DMD: variants seen among roughly 807,000 people sequenced by gnomAD.
The protein encoded by DMD is mutant dystrophin.
DMD carries 63 observed loss-of-function variants against 330.1 expected under a neutral mutation model. The observed-to-expected ratio is 0.19, with a 90% CI of 0.16 to 0.24. The LOEUF is 0.24. Ranked by LOEUF, DMD falls within the 10% of genes least tolerant of loss-of-function variation. DMD has a pLI of 1.00. For missense variants in DMD, 3,344 were observed against 2,684.1 expected (o/e 1.25, Z -5.43); for synonymous variants, 1,223 against 959.8 (o/e 1.27, Z -5.07).
chrX:32,454,256 G>C (rs1305568913), intron 26 of DMD, among the ~76,000 whole-genome samples: 1 of 111,207 alleles, frequency 9.0e-6, no homozygotes, highest in Non-Finnish European at 1.9e-5. Flanking sequence ...CAAATTCTCA[G>C]AAATGCCTTC....
intron 43 of DMD, among the ~76,000 whole-genome samples, chrX:32,273,286 CAA>C (rs1220088856): frequency 2.0e-4 from 11 of 54,864 alleles, no homozygotes; most frequent in African/African-American, 3.0e-4. Context: ...TTAAATAAAA[CAA>C]AACAAAACAA....
intron 44 of DMD, among the ~76,000 whole-genome samples, chrX:32,214,548 C>T (rs2097105613): frequency 1.8e-5 from 2 of 111,777 alleles, no homozygotes; most frequent in African/African-American, 6.5e-5. Context: ...ATCACCAGAG[C>T]TCACACGTGG....
chrX:33,278,502 G>A (rs1384181598), intron 1 of DMD, among the ~76,000 whole-genome samples: 2 of 111,688 alleles, frequency 1.8e-5, no homozygotes, highest in Non-Finnish European at 3.8e-5. Flanking sequence ...TTGTTGCAAA[G>A]GATATGATTT....
At chrX:32,309,666 A>G (rs1043990632) in intron 42 of DMD, among the ~76,000 whole-genome samples, 2 of 111,373 alleles carry the variant, frequency 1.8e-5, no homozygotes, top group African/African-American at 6.5e-5. Flanking sequence ...TTGAATATGT[A>G]TACATAAAAA....
At chrX:32,462,946 G>A (rs927786344) in intron 25 of DMD, among the ~76,000 whole-genome samples, 2 of 110,784 alleles carry the variant, frequency 1.8e-5, no homozygotes, top group Admixed American at 9.7e-5. Context: ...GGTGACAGAG[G>A]GAGACCCTGT....
intron 29 of DMD, among the ~76,000 whole-genome samples, chrX:32,431,308 C>A (rs1490938603): frequency 9.0e-6 from 1 of 111,113 alleles, no homozygotes; most frequent in Non-Finnish European, 1.9e-5. Context: ...ATTTACATAG[C>A]CCTGATGATT....
chrX:32,496,441 T>G (rs1289040273), intron 19 of DMD, among the ~76,000 whole-genome samples: 2 of 112,136 alleles, frequency 1.8e-5, no homozygotes, highest in East Asian at 2.8e-4. Flanking sequence ...CACACTGACT[T>G]AAAGTAATAG....
At chrX:31,314,972 C>G (rs1569524571) in intron 62 of DMD, among the ~76,000 whole-genome samples, 2 of 110,902 alleles carry the variant, frequency 1.8e-5, no homozygotes, top group Non-Finnish European at 3.8e-5. Flanking sequence ...GAAATTATCC[C>G]AAAGAAGAGA....
At chrX:32,237,861 G>C (rs1445591527) in intron 43 of DMD, among the ~76,000 whole-genome samples, 1 of 111,725 alleles carries the variant, frequency 9.0e-6, no homozygotes, top group Non-Finnish European at 1.9e-5. Flanking sequence ...TGGATATGTT[G>C]CAAAGATACA....
At chrX:32,402,722 T>C (rs2147814194) in intron 30 of DMD, among the ~76,000 whole-genome samples, 1 of 111,820 alleles carries the variant, frequency 8.9e-6, no homozygotes, top group East Asian at 2.8e-4. Flanking sequence ...TTTATACTAT[T>C]CAAAGTATTT....
chrX:33,097,013 T>G (rs895913731), intron 1 of DMD, among the ~76,000 whole-genome samples: 1 of 111,711 alleles, frequency 9.0e-6, no homozygotes, highest in Non-Finnish European at 1.9e-5. Context: ...GAATCAAAAT[T>G]ATAAGAAATT....
chrX:33,011,443 A>G (rs2093699765), intron 2 of DMD, among the ~76,000 whole-genome samples: 1 of 112,164 alleles, frequency 8.9e-6, no homozygotes, highest in African/African-American at 3.2e-5. Flanking sequence ...GTCTCTGCGT[A>G]GACAACACCA....
At chrX:32,768,317 G>C (rs975322627) in intron 7 of DMD, among the ~76,000 whole-genome samples, 1 of 111,682 alleles carries the variant, frequency 9.0e-6, no homozygotes, top group Non-Finnish European at 1.9e-5. Flanking sequence ...TGTGTTTCTT[G>C]GAGATGTGTC....
chrX:31,354,041 T>C (rs1182096889), intron 60 of DMD, among the ~76,000 whole-genome samples: 1 of 112,202 alleles, frequency 8.9e-6, no homozygotes, highest in African/African-American at 3.2e-5. Context: ...CGAGGGTCTA[T>C]TCTTCAGAAC....
chrX:33,159,472 TCTC>T (rs1476021666), intron 1 of DMD: 1 of 111,466 alleles, frequency 9.0e-6, no homozygotes, highest in African/African-American at 3.3e-5. Context: ...TGTGTGATGT[TCTC>T]CTCCCTGTGT....
At chrX:32,623,528 ATTT>A (rs568825537) in intron 11 of DMD, among the ~76,000 whole-genome samples, 6 of 92,163 alleles carry the variant, frequency 6.5e-5, no homozygotes, top group African/African-American at 3.9e-5. Flanking sequence ...TAATACTAGT[ATTT>A]TTTTTTTTTT....
intron 25 of DMD, among the ~76,000 whole-genome samples, chrX:32,458,310 C>T (rs777653629): frequency 9.0e-6 from 1 of 111,473 alleles, no homozygotes; most frequent in East Asian, 2.8e-4. Context: ...CCAAGTTCAT[C>T]TATGCTGCTG....
Position 31,875,191 on chromosome X carries a change from A to G in DMD, c.7095T>C (p.Val2365=). 8.3e-7 allele frequency: 1 copy of G among 1,205,053 alleles called. No individual in the cohort carries two copies. The highest frequency in any genetic ancestry group is 1.1e-6 in the Non-Finnish European group (1 of 891,795). The change falls in exon 48 of 79, where the codon GTT becomes GTC. Residue 2365 remains valine (V), a synonymous_variant. Transcript: ENST00000357033. ...TTTAAAGCAAAAAGTTCCCTACCTTAACGTCAAATGGTCCTTCTTGGTTTG... is the reference window on the plus strand; with the variant it reads ...TTTAAAGCAAAAAGTTCCCTACCTTGACGTCAAATGGTCCTTCTTGGTTTG... ...NQPNQEGPFD[V]KETEIAVQAK... is the part of the protein sequence containing the mutation.
At chrX:33,321,699 C>T (rs2054017966) in intron 1 of DMD, among the ~76,000 whole-genome samples, 1 of 111,874 alleles carries the variant, frequency 8.9e-6, no homozygotes. Context: ...ATTGACTTCT[C>T]CTTTCTAGCT....
Sources: allele counts gnomAD v4.1 joint callset (sites outside exome capture counted in the v4.1 genomes callset), GRCh38; gene constraint gnomAD v4.1.1; transcripts MANE v1.5; gene names NCBI Gene and HGNC (gene_info 2026-07-23, HGNC 2026-07-21).